IL34: variants seen among roughly 807,000 people sequenced by gnomAD.
IL34 encodes the protein interleukin 34.
A neutral mutation model predicts 25.3 loss-of-function variants in IL34; 17 were observed. That is an observed-to-expected ratio of 0.67 (90% confidence interval 0.46 to 1.01). The LOEUF (loss-of-function observed/expected upper bound fraction) is 1.01. IL34 is among the 50% of genes least tolerant of loss of function. The pLI is 0.00. For missense variants in IL34, 368 were observed against 312.9 expected (o/e 1.18, Z -1.33); for synonymous variants, 174 against 140.9 (o/e 1.23, Z -1.66).
intron 1 of IL34, among the ~76,000 whole-genome samples, chr16:70,588,728 A>T (rs1191939137): frequency 6.6e-6 from 1 of 152,220 alleles, no homozygotes; most frequent in Non-Finnish European, 1.5e-5. Flanking sequence ...AGCCTTACAA[A>T]GGAAGGGAAT....
chr16:70,621,864 G>C (rs537881318), intron 1 of IL34, among the ~76,000 whole-genome samples: 27 of 152,052 alleles, frequency 1.8e-4, no homozygotes, highest in South Asian at 8.4e-4. Flanking sequence ...CCAGGAGAAG[G>C]ACTTTCACAA....
chr16:70,658,626 T>A lies in IL34; in HGVS notation c.403-992T>A, dbSNP rs182429793. On this transcript the variant is annotated intron_variant, in intron 4 of 5. Transcript: ENST00000288098. ...CCTCCCAAGTAGCTGGGATTATAGA[T>A]GCCTGCCACCACACCTGTATTTTTA... is the stretch of plus-strand genomic sequence containing the variant. Among the ~76,000 whole-genome samples the A allele has an allele frequency of 3.2e-3, 491 of 152,048 alleles. 1 individual carries two copies. In the Middle Eastern group the frequency reaches 0.037, roughly 12 times the overall value.
chr16:70,617,818 CTG>C (rs1214466259), intron 1 of IL34, among the ~76,000 whole-genome samples: 138 of 152,008 alleles, frequency 9.1e-4, no homozygotes, highest in South Asian at 3.5e-3. Flanking sequence ...TGTTATCAGA[CTG>C]TATAGAGGTG....
chr16:70,595,552 A>C (rs754024997), intron 1 of IL34, among the ~76,000 whole-genome samples: 2 of 151,962 alleles, frequency 1.3e-5, no homozygotes, highest in Non-Finnish European at 2.9e-5. Flanking sequence ...TCCTGGACTC[A>C]TGTGATCCTC....
At chr16:70,583,247 G>A (rs2050654904) in intron 1 of IL34, among the ~76,000 whole-genome samples, 1 of 151,948 alleles carries the variant, frequency 6.6e-6, no homozygotes. Context: ...TGAGTAGCTG[G>A]GATTACAGGC....
chr16:70,650,930 G>A (rs891668818), intron 1 of IL34, among the ~76,000 whole-genome samples: 1 of 152,212 alleles, frequency 6.6e-6, no homozygotes, highest in Non-Finnish European at 1.5e-5. Flanking sequence ...CTGCGTTATG[G>A]ATTCACACAC....
intron 1 of IL34, among the ~76,000 whole-genome samples, chr16:70,636,067 C>T (rs543265596): frequency 6.7e-6 from 1 of 149,432 alleles, no homozygotes; most frequent in East Asian, 2.0e-4. Context: ...TTGAGACAGT[C>T]TCGCTCTGTT....
At chr16:70,639,032 T>C (rs2051720796) in intron 1 of IL34, among the ~76,000 whole-genome samples, 1 of 152,252 alleles carries the variant, frequency 6.6e-6, no homozygotes, top group African/African-American at 2.4e-5. Context: ...GGCGTTGCCC[T>C]GTTTTGGTGA....
intron 1 of IL34, among the ~76,000 whole-genome samples, chr16:70,589,617 C>T (rs929184338): frequency 6.9e-6 from 1 of 144,920 alleles, no homozygotes; most frequent in Non-Finnish European, 1.5e-5. Flanking sequence ...TGTTTTTTTA[C>T]CATGATTTTT....
upstream of IL34, among the ~76,000 whole-genome samples, chr16:70,645,015 AAGG>A (rs201324038): frequency 0.012 from 1,693 of 140,658 alleles, 14 homozygotes; most frequent in South Asian, 0.031. Flanking sequence ...GAAGAGGAGG[AAGG>A]AGGAGAAGGA....
chr16:70,647,166 C>T (rs555767889), intron 1 of IL34, among the ~76,000 whole-genome samples, 191 bp downstream of exon 1: 1 of 152,262 alleles, frequency 6.6e-6, no homozygotes, highest in South Asian at 2.1e-4. Flanking sequence ...CGGGCTCCGA[C>T]GGGCAAGCTG....
chr16:70,654,823 G>A lies in IL34; in HGVS notation c.162+152G>A, dbSNP rs905043837. ...CTGCCTTTCTCCGAAACCTACCCAT[G>A]CACCTGGTCTGCACTTACTGACCCT... is the stretch of plus-strand genomic sequence containing the variant. On this transcript the variant is annotated intron_variant, in intron 2 of 5. Coordinates refer to ENST00000288098, the MANE Select transcript of IL34 (RefSeq NM_001393494.1). 3 of 1,001,912 alleles carry A rather than the reference G, an allele frequency of 3.0e-6. No homozygotes were observed. The African/African-American group carries it at 4.8e-5, about 16-fold the overall frequency. 62.1% of individuals were successfully genotyped at this position (1,001,912 alleles called of 1,614,324 possible).
chr16:70,641,495 C>G (rs956890949), intron 1 of IL34, among the ~76,000 whole-genome samples: 9 of 147,080 alleles, frequency 6.1e-5, no homozygotes, highest in African/African-American at 2.4e-4. Flanking sequence ...TAAAAAAATT[C>G]TTTCCCTCCC....
chr16:70,603,615 C>G (rs1262661618), intron 1 of IL34, among the ~76,000 whole-genome samples: 1 of 152,150 alleles, frequency 6.6e-6, no homozygotes, highest in African/African-American at 2.4e-5. Flanking sequence ...CTCTGTCACC[C>G]AGGCTGGAAT....
At chr16:70,628,659 G>A (rs1032670085) in intron 1 of IL34, among the ~76,000 whole-genome samples, 3 of 151,362 alleles carry the variant, frequency 2.0e-5, no homozygotes, top group South Asian at 2.1e-4. Flanking sequence ...GCTAATTTTT[G>A]TATTTTTAGT....
At chr16:70,642,955 G>A (rs2051821080), upstream of IL34, among the ~76,000 whole-genome samples, 1 of 152,168 alleles carries the variant, frequency 6.6e-6, no homozygotes, top group South Asian at 2.1e-4. Context: ...TGAGTTCAGA[G>A]TTTATTTTGG....
At chr16:70,608,305 T>A (rs140932898) in intron 1 of IL34, among the ~76,000 whole-genome samples, 5,465 of 151,766 alleles carry the variant, frequency 0.036, 315 homozygotes, top group East Asian at 0.21. Flanking sequence ...ATTTTTGTAT[T>A]TTTAGTAGGG....
At chr16:70,580,918 T>TG (rs1436989644) in intron 1 of IL34, among the ~76,000 whole-genome samples, 1 of 148,938 alleles carries the variant, frequency 6.7e-6, no homozygotes, top group East Asian at 2.0e-4. Context: ...AACTTTGCAT[T>TG]TTTTTTTTTT....
upstream of IL34, among the ~76,000 whole-genome samples, chr16:70,646,088 T>G (rs928834260): frequency 1.3e-5 from 2 of 151,980 alleles, no homozygotes; most frequent in African/African-American, 2.4e-5. Flanking sequence ...TTTTTTTTTA[T>G]TAATAGAACT....
Sources: allele counts gnomAD v4.1 joint callset (sites outside exome capture counted in the v4.1 genomes callset), GRCh38; gene constraint gnomAD v4.1.1; transcripts MANE v1.5; gene names NCBI Gene and HGNC (gene_info 2026-07-23, HGNC 2026-07-21).